Variants in MYO16 observed in about 807,000 individuals in gnomAD.
The protein encoded by MYO16 is unconventional myosin-XVI.
In MYO16, 94 loss-of-function variants were observed where a neutral mutation model predicts 205.3. The ratio of observed to expected loss-of-function variants is 0.46; its 90% CI spans 0.39 to 0.54. The LOEUF is 0.54. MYO16 is among the 20% of genes least tolerant of loss of function. The probability of loss-of-function intolerance (pLI) is 0.00; values close to 1 mark genes in which losing one functional copy is unlikely to be tolerated. For synonymous variants in MYO16, 988 were observed against 954.0 expected (o/e 1.04, Z -0.66); for missense variants, 2,315 against 2,387.5 (o/e 0.97, Z 0.63).
chr13:109,061,839 TG>T (rs79257735), intron 27 of MYO16, among the ~76,000 whole-genome samples: 75,234 of 151,958 alleles, frequency 0.5, 18,642 homozygotes, highest in Middle Eastern at 0.55. Flanking sequence ...GGTGCACCTG[TG>T]CAGGATGCGA....
At chr13:109,156,753 T>C (rs945669459) in intron 32 of MYO16, among the ~76,000 whole-genome samples, 9 of 152,142 alleles carry the variant, frequency 5.9e-5, no homozygotes, top group Non-Finnish European at 1.0e-4. Flanking sequence ...GCTCCTGGCC[T>C]GCAGCCCCTC....
chr13:108,523,856 T>C, the MYO16 span, among the ~76,000 whole-genome samples: 87 of 150,782 alleles, frequency 5.8e-4, no homozygotes, highest in Middle Eastern at 3.4e-3. Context: ...AAATCTCACA[T>C]TGAATTGTAA....
At chr13:108,545,940 T>A in the MYO16 span, among the ~76,000 whole-genome samples, 67 of 152,284 alleles carry the variant, frequency 4.4e-4, no homozygotes, top group South Asian at 7.7e-3. Flanking sequence ...CATTTGAAGA[T>A]TGTGGTTAGG....
intron 2 of MYO16, among the ~76,000 whole-genome samples, chr13:108,667,989 T>C (rs1881817027): frequency 6.6e-6 from 1 of 152,134 alleles, no homozygotes; most frequent in South Asian, 2.1e-4. Context: ...TAATGAGCCA[T>C]GATGGTGACC....
At chr13:108,523,194 C>A in the MYO16 span, among the ~76,000 whole-genome samples, 3 of 152,168 alleles carry the variant, frequency 2.0e-5, no homozygotes, top group African/African-American at 7.2e-5. Context: ...AGGGAGGAGA[C>A]ATCTTGAGAG....
At chr13:108,669,600 A>C (rs1881894197) in intron 2 of MYO16, among the ~76,000 whole-genome samples, 1 of 152,126 alleles carries the variant, frequency 6.6e-6, no homozygotes, top group Non-Finnish European at 1.5e-5. Flanking sequence ...AGGCCACATA[A>C]ATGTCTTCTA....
chr13:108,609,972 G>T (rs771513234), intron 1 of MYO16, among the ~76,000 whole-genome samples: 2 of 152,034 alleles, frequency 1.3e-5, no homozygotes, highest in Admixed American at 1.3e-4. Context: ...AAAGGAAATT[G>T]TCAGACCGTC....
intron 20 of MYO16, among the ~76,000 whole-genome samples, chr13:108,983,951 T>C (rs746147059): frequency 6.6e-6 from 1 of 152,074 alleles, no homozygotes; most frequent in Non-Finnish European, 1.5e-5. Context: ...AAAGGCAAAA[T>C]AGAATTTATC....
chr13:108,537,361 A>G, the MYO16 span, among the ~76,000 whole-genome samples: 2 of 152,130 alleles, frequency 1.3e-5, no homozygotes, highest in Non-Finnish European at 2.9e-5. Flanking sequence ...ATAGTATTCC[A>G]TGATGTATAT....
At chr13:108,793,437 G>C (rs1886683544) in intron 5 of MYO16, 79 bp from the exon 6 acceptor site, 1 of 1,389,850 alleles carries the variant, frequency 7.2e-7, no homozygotes, top group Non-Finnish European at 9.9e-7. Flanking sequence ...TGAAAGAATA[G>C]GTTATAAAGC....
chr13:108,816,034 G>C (rs1021283885), intron 7 of MYO16, among the ~76,000 whole-genome samples: 10 of 152,114 alleles, frequency 6.6e-5, no homozygotes, highest in African/African-American at 2.4e-4. Context: ...AAAGTCTCAA[G>C]GCAATTCAAT....
At chr13:109,009,658 ACTCACAATATCTCCAAGATAC>A (rs1471233416) in intron 22 of MYO16, among the ~76,000 whole-genome samples, 2 of 152,236 alleles carry the variant, frequency 1.3e-5, no homozygotes, top group Admixed American at 1.3e-4. Context: ...ATATGGATTT[ACTCACAATATCTCCAAGATAC>A]ATGGACATTG....
At chr13:108,693,051 T>C (rs1882960362) in intron 2 of MYO16, among the ~76,000 whole-genome samples, 1 of 152,228 alleles carries the variant, frequency 6.6e-6, no homozygotes. Flanking sequence ...GCTGTCTTTA[T>C]ACCTCAGAAT....
chr13:108,929,297 T>A (rs1240854498), intron 16 of MYO16, among the ~76,000 whole-genome samples: 1 of 152,170 alleles, frequency 6.6e-6, no homozygotes, highest in East Asian at 1.9e-4. Flanking sequence ...GAAGGCAGCA[T>A]ATGCACAAGT....
intron 2 of MYO16, among the ~76,000 whole-genome samples, chr13:108,668,300 T>C (rs962614393): frequency 2.6e-5 from 4 of 152,154 alleles, no homozygotes; most frequent in African/African-American, 9.7e-5. Flanking sequence ...CAAGAGATGA[T>C]GGTGGCTTGG....
the MYO16 span, among the ~76,000 whole-genome samples, chr13:108,558,178 C>T: frequency 6.6e-6 from 1 of 152,340 alleles, no homozygotes; most frequent in East Asian, 1.9e-4. Flanking sequence ...GCCAGAGCTT[C>T]AGACACATGC....
At chr13:108,630,491 C>T (rs970573162) in intron 1 of MYO16, among the ~76,000 whole-genome samples, 2 of 152,214 alleles carry the variant, frequency 1.3e-5, no homozygotes, top group South Asian at 2.1e-4. Flanking sequence ...GTTTCTTTAG[C>T]GTCTGAAATT....
At position 109,168,608 on chromosome 13, in the gene MYO16, C is replaced by T. The variant is rs1288185908; in HGVS notation, c.5323+3549C>T. 2.6e-5 allele frequency among the ~76,000 whole-genome samples: 4 copies of T among 152,122 alleles called. No individual in the cohort carries two copies. The South Asian group carries it at 6.2e-4, about 24-fold the overall frequency. On this transcript the variant is annotated intron_variant, in intron 33 of 34. Coordinates refer to ENST00000457511, the MANE Select transcript of MYO16 (RefSeq NM_001198950.3). ...GGCTTGGTGGTATATGCCTTTAATC[C>T]CGGCGACTCGGAAAGCTGAGGTAGG...
intron 1 of MYO16, among the ~76,000 whole-genome samples, chr13:108,608,938 G>A (rs901163246): frequency 4.6e-5 from 7 of 152,066 alleles, no homozygotes; most frequent in African/African-American, 1.4e-4. Context: ...GCTACCCCAC[G>A]ATGAGATTTT....
Sources: gnomAD v4.1 joint callset for allele counts (sites outside exome capture counted in the v4.1 genomes callset) on GRCh38, gnomAD v4.1.1 for gene constraint, MANE v1.5 for transcripts, NCBI Gene and HGNC (gene_info 2026-07-23, HGNC 2026-07-21) for gene names.